The following RFC2 variants were observed in gnomAD, a reference collection of about 807,000 sequenced individuals.
RFC2 encodes the protein replication factor C subunit 2.
In RFC2, 34 loss-of-function variants were observed where a neutral mutation model predicts 44.8. The observed-to-expected ratio is 0.76, with a 90% CI of 0.58 to 1.01. The LOEUF is 1.01. Among genes scored for constraint, RFC2 ranks in the 50% least tolerant of loss-of-function variants. The probability of loss-of-function intolerance (pLI) is 0.00; values close to 1 mark genes in which losing one functional copy is unlikely to be tolerated. For missense variants in RFC2, 400 were observed against 453.6 expected (o/e 0.88, Z 1.07); for synonymous variants, 177 against 168.9 (o/e 1.05, Z -0.37).
Position 74,235,528 on chromosome 7 carries a change from C to T in RFC2, c.954+4G>A, listed in dbSNP as rs782419186. On this transcript the variant is annotated splice_donor_region_variant and intron_variant, in intron 10 of 10. Coordinates refer to ENST00000055077, the MANE Select transcript of RFC2 (RefSeq NM_181471.3). ...GACAGAGGCATTTCTACATTCTCAC[C>T]GACCTTGATAAACTCCAGTTTCAGG... 14 of 1,555,490 alleles carry T rather than the reference C, an allele frequency of 9.0e-6. No individual in the cohort carries two copies. The highest frequency in any genetic ancestry group is 4.5e-5 in the South Asian group (4 of 89,876).
chr7:74,251,537 C>T (rs1006261633), intron 2 of RFC2, among the ~76,000 whole-genome samples: 9 of 152,278 alleles, frequency 5.9e-5, no homozygotes, highest in East Asian at 1.9e-4. Flanking sequence ...TGGTGGCTCA[C>T]GCCTGTAATC....
intron 9 of RFC2, 118 bp from the exon 10 acceptor site, chr7:74,235,763 C>T: frequency 1.4e-6 from 1 of 702,888 alleles, no homozygotes; most frequent in East Asian, 2.5e-5. Flanking sequence ...GGTACCTTAA[C>T]TGATTTTCAT....
intron 5 of RFC2, among the ~76,000 whole-genome samples, chr7:74,243,627 G>C (rs1294983507): frequency 6.7e-6 from 1 of 150,274 alleles, no homozygotes; most frequent in Non-Finnish European, 1.5e-5. Flanking sequence ...TAAAGAGACA[G>C]GTTCTTGCTG....
At chr7:74,244,805 G>GA (rs532468662) in intron 5 of RFC2, among the ~76,000 whole-genome samples, 64 of 148,032 alleles carry the variant, frequency 4.3e-4, no homozygotes, top group African/African-American at 1.1e-3. Context: ...CTGCCCCTGT[G>GA]AAAAAAAAAA....
At chr7:74,232,255 G>C in intron 10 of RFC2, 39 bp from the exon 11 acceptor site, 1 of 1,069,330 alleles carries the variant, frequency 9.4e-7, no homozygotes, top group Non-Finnish European at 1.4e-6. Flanking sequence ...TTAATAAGTG[G>C]GGGAGTTCTT....
chr7:74,239,113 T>A, intron 7 of RFC2, 125 bp from the exon 8 acceptor site: 3 of 589,334 alleles, frequency 5.1e-6, no homozygotes, highest in Non-Finnish European at 9.0e-6. Flanking sequence ...TTCTCCCACC[T>A]CCGCCTCCCA....
At chr7:74,233,303 G>A (rs782444258) in intron 10 of RFC2, among the ~76,000 whole-genome samples, 36 of 152,224 alleles carry the variant, frequency 2.4e-4, no homozygotes, top group Non-Finnish European at 4.9e-4. Flanking sequence ...ACTTGAGCCC[G>A]GGAGTTCAAG....
chr7:74,239,326 C>T (rs1050170048), intron 7 of RFC2, among the ~76,000 whole-genome samples: 1 of 151,308 alleles, frequency 6.6e-6, no homozygotes, highest in Non-Finnish European at 1.5e-5. Flanking sequence ...CAGGCACCCA[C>T]CACCATGCCC....
At position 74,238,214 on chromosome 7, in the gene RFC2, C is replaced by T. The variant is rs1475980256; in HGVS notation, c.759+709G>A. On this transcript the variant is annotated intron_variant, in intron 8 of 10. Coordinates refer to ENST00000055077, the MANE Select transcript of RFC2 (RefSeq NM_181471.3). This position sits in a 1 kb window ranked among gnomAD's most constrained non-coding sequence, Gnocchi z 4.0. ...AGATCTACCCAGATGCTTCAAAAATCGCTTGTCTGTTGTCCACAAACCTGG... is the reference window on the plus strand; with the variant it reads ...AGATCTACCCAGATGCTTCAAAAATTGCTTGTCTGTTGTCCACAAACCTGG... Among the ~76,000 whole-genome samples, 1 of 152,126 alleles carries T rather than the reference C, an allele frequency of 6.6e-6. No homozygotes were observed. The highest frequency in any genetic ancestry group is 2.1e-4 in the South Asian group (1 of 4,826).
intron 2 of RFC2, among the ~76,000 whole-genome samples, chr7:74,250,593 G>C (rs1019417703): frequency 6.6e-6 from 1 of 152,028 alleles, no homozygotes; most frequent in African/African-American, 2.4e-5. Context: ...AATAACCAGG[G>C]CTTCACCATC....
intron 10 of RFC2, 122 bp downstream of exon 10, chr7:74,235,409 TG>T (rs1451120352): frequency 2.8e-6 from 2 of 709,306 alleles, no homozygotes; most frequent in Non-Finnish European, 5.3e-6. Context: ...CTCGAACTCC[TG>T]ACCTCAGGTG....
rs1554720571 is a variant in RFC2 at position 74,249,041 on chromosome 7, G to A, written c.303C>T (p.Ala101=). The A allele has an allele frequency of 6.2e-7, 1 of 1,613,876 alleles. No individual in the cohort carries two copies. The highest frequency in any genetic ancestry group is 8.5e-7 in the Non-Finnish European group (1 of 1,179,896). ...RALLGPALKD[A]MLELNASNDR... ...CATTTGAAGCATTGAGTTCCAACATGGCATCTTTGAGTGCTGGGCCCAGCA... is the reference window on the plus strand; with the variant it reads ...CATTTGAAGCATTGAGTTCCAACATAGCATCTTTGAGTGCTGGGCCCAGCA... The change falls in exon 4 of 11, where the codon GCC becomes GCT. Residue 101 remains alanine (A), a synonymous_variant. Coordinates refer to ENST00000055077, the MANE Select transcript of RFC2 (RefSeq NM_181471.3).
intron 2 of RFC2, among the ~76,000 whole-genome samples, 190 bp downstream of exon 2, chr7:74,252,239 C>G (rs1244500126): frequency 6.6e-6 from 1 of 151,124 alleles, no homozygotes; most frequent in African/African-American, 2.4e-5. Flanking sequence ...AACCCCGTCT[C>G]TACTAAAAAT....
chr7:74,237,149 C>A, intron 9 of RFC2: 1 of 414,372 alleles, frequency 2.4e-6, no homozygotes, highest in Non-Finnish European at 4.5e-6. Flanking sequence ...AGGGTCTCAC[C>A]ATCACCCAGG....
chr7:74,252,221 C>T (rs1787003297), intron 2 of RFC2, among the ~76,000 whole-genome samples: 1 of 149,204 alleles, frequency 6.7e-6, no homozygotes. Flanking sequence ...TCCTGGCTAA[C>T]ACGGTGAAAC....
In RFC2 at chr7:74,238,115, G is replaced by A. The variant is rs1803125259; in HGVS notation, c.760-673C>T. Among the ~76,000 whole-genome samples the A allele has an allele frequency of 6.6e-6, 1 of 151,934 alleles. No individual in the cohort carries two copies. The highest frequency in any genetic ancestry group is 2.4e-5 in the African/African-American group (1 of 41,378). The stretch of plus-strand genomic sequence containing the variant: ...CTCAGTGACCCTCCAAGACAAAACA[G>A]GGCCCGAACCATCACCCCTGTTTCT... On this transcript the variant is annotated intron_variant, in intron 8 of 10. Transcript: ENST00000055077. The surrounding 1 kb of genome is among the most constrained non-coding windows in gnomAD (Gnocchi z 4.0).
intron 6 of RFC2, among the ~76,000 whole-genome samples, chr7:74,241,803 T>C (rs1265517571): frequency 6.6e-6 from 1 of 151,810 alleles, no homozygotes; most frequent in Non-Finnish European, 1.5e-5. Context: ...CTAAGAAAAA[T>C]ACAAAAATTA....
At chr7:74,251,520 C>A (rs923200841) in intron 2 of RFC2, among the ~76,000 whole-genome samples, 2 of 152,202 alleles carry the variant, frequency 1.3e-5, no homozygotes, top group Non-Finnish European at 2.9e-5. Context: ...CTACTCAAGG[C>A]CGCTCGTGGT....
chr7:74,249,455 C>T (rs536184624), intron 3 of RFC2, among the ~76,000 whole-genome samples: 1 of 151,988 alleles, frequency 6.6e-6, no homozygotes, highest in Non-Finnish European at 1.5e-5. Flanking sequence ...GTACAAGAAT[C>T]GCTTGAACCT....
Sources: gnomAD v4.1 joint callset for allele counts (sites outside exome capture counted in the v4.1 genomes callset) on GRCh38, gnomAD v4.1.1 for gene constraint, Gnocchi (gnomAD v3.1) non-coding constraint, MANE v1.5 for transcripts, NCBI Gene and HGNC (gene_info 2026-07-23, HGNC 2026-07-21) for gene names.